THSD7B: variants seen among roughly 807,000 people sequenced by gnomAD.
THSD7B encodes thrombospondin type 1 domain containing 7B.
Under a neutral mutation model 213.6 loss-of-function variants are expected in THSD7B, and 138 were observed. The ratio of observed to expected loss-of-function variants is 0.65; its 90% CI spans 0.56 to 0.74. The LOEUF is 0.74. Ranked by LOEUF, THSD7B falls within the 30% of genes least tolerant of loss-of-function variation. The probability of loss-of-function intolerance (pLI) is 0.00; values close to 1 mark genes in which losing one functional copy is unlikely to be tolerated. For missense variants in THSD7B, 1,931 were observed against 1,991.5 expected, an observed-to-expected ratio of 0.97 and a Z score of 0.58; for synonymous variants, 742 against 687.0, an observed-to-expected ratio of 1.08 and a Z score of -1.25.
chr2:137,203,507 C>T (rs79194862), intron 7 of THSD7B, among the ~76,000 whole-genome samples: 8,411 of 152,020 alleles, frequency 0.055, 342 homozygotes, highest in Non-Finnish European at 0.091. Flanking sequence ...TGAAATAGAT[C>T]TTGACCATGC....
At chr2:137,502,612 A>G (rs1679736756) in intron 15 of THSD7B, among the ~76,000 whole-genome samples, 1 of 152,142 alleles carries the variant, frequency 6.6e-6, no homozygotes, top group South Asian at 2.1e-4. Flanking sequence ...AAATCAACTA[A>G]CTTTGGGAAG....
intron 15 of THSD7B, among the ~76,000 whole-genome samples, chr2:137,562,674 A>C (rs1371677014): frequency 6.8e-6 from 1 of 147,840 alleles, no homozygotes; most frequent in Non-Finnish European, 1.5e-5. Context: ...CATATAGCTA[A>C]ATTTATATGA....
intron 2 of THSD7B, among the ~76,000 whole-genome samples, chr2:136,921,608 G>A (rs1684440104): frequency 6.6e-6 from 1 of 152,176 alleles, no homozygotes; most frequent in African/African-American, 2.4e-5. Flanking sequence ...CTGCCTTAAG[G>A]ATGAATGGCA....
At chr2:137,222,163 ATTATT>A (rs1314907811) in intron 7 of THSD7B, among the ~76,000 whole-genome samples, 1 of 152,226 alleles carries the variant, frequency 6.6e-6, no homozygotes, top group African/African-American at 2.4e-5. Flanking sequence ...TTTTCTAAAT[ATTATT>A]TTCTATTACC....
At chr2:137,559,189 T>C (rs1461788866) in intron 15 of THSD7B, among the ~76,000 whole-genome samples, 1 of 152,152 alleles carries the variant, frequency 6.6e-6, no homozygotes, top group African/African-American at 2.4e-5. Context: ...ACCAATGACT[T>C]TCTTCACAGA....
At chr2:136,913,721 G>A (rs563391803) in intron 2 of THSD7B, among the ~76,000 whole-genome samples, 7 of 152,386 alleles carry the variant, frequency 4.6e-5, no homozygotes, top group African/African-American at 1.7e-4. Context: ...TATCAAGCCT[G>A]TGGGTACTCA....
intron 2 of THSD7B, among the ~76,000 whole-genome samples, chr2:136,948,489 C>T (rs1194974974): frequency 1.3e-5 from 2 of 151,910 alleles, no homozygotes; most frequent in African/African-American, 4.8e-5. Context: ...TGCACACATA[C>T]ACACACCCCT....
At chr2:137,262,442 G>A (rs1682472986) in intron 10 of THSD7B, among the ~76,000 whole-genome samples, 1 of 151,328 alleles carries the variant, frequency 6.6e-6, no homozygotes, top group African/African-American at 2.4e-5. Context: ...AATGAAAGGG[G>A]TCAGGATTTG....
chr2:137,021,895 T>C (rs1686451893), intron 2 of THSD7B, among the ~76,000 whole-genome samples: 1 of 152,184 alleles, frequency 6.6e-6, no homozygotes, highest in Non-Finnish European at 1.5e-5. Flanking sequence ...TTGGTACTGA[T>C]CTGGGTTGTA....
chr2:136,884,941 T>G (rs1400857639), intron 2 of THSD7B, among the ~76,000 whole-genome samples: 1 of 152,188 alleles, frequency 6.6e-6, no homozygotes, highest in Non-Finnish European at 1.5e-5. Flanking sequence ...AGGAGTTATA[T>G]CCCTAGAAAA....
rs576227384 is a variant in THSD7B, at chr2:137,440,540, G to A, written c.2960-10305G>A. On this transcript the variant is annotated intron_variant, in intron 14 of 27. Coordinates refer to ENST00000409968, the MANE Select transcript of THSD7B (RefSeq NM_001316349.2). ...TAAAGAAGTCCTTAGTTTAGGGACTGTAGAATACTGTGATGGCAGATTTCA... is the reference window on the plus strand; with the variant it reads ...TAAAGAAGTCCTTAGTTTAGGGACTATAGAATACTGTGATGGCAGATTTCA... Among the ~76,000 whole-genome samples, 3 of 151,880 alleles carry A rather than the reference G, an allele frequency of 2.0e-5. No individual in the cohort carries two copies. The South Asian group carries it at 6.2e-4, about 32-fold the overall frequency.
chr2:136,926,597 G>T (rs534652935), intron 2 of THSD7B, among the ~76,000 whole-genome samples: 1 of 152,150 alleles, frequency 6.6e-6, no homozygotes, highest in African/African-American at 2.4e-5. Flanking sequence ...AGGAGGCTAA[G>T]GTGGGAGGAT....
At chr2:137,176,936 T>C (rs1400638816) in intron 7 of THSD7B, among the ~76,000 whole-genome samples, 2 of 150,688 alleles carry the variant, frequency 1.3e-5, no homozygotes, top group African/African-American at 4.9e-5. Flanking sequence ...GGAATCTTTG[T>C]CACAGAGTTT....
At chr2:137,373,836 A>C (rs1250204493) in intron 12 of THSD7B, among the ~76,000 whole-genome samples, 1 of 152,202 alleles carries the variant, frequency 6.6e-6, no homozygotes, top group Non-Finnish European at 1.5e-5. Flanking sequence ...TTTTAGGTCT[A>C]ACAGGTAAGT....
At chr2:136,830,842 C>T (rs2104946980) in intron 1 of THSD7B, among the ~76,000 whole-genome samples, 1 of 152,296 alleles carries the variant, frequency 6.6e-6, no homozygotes, top group African/African-American at 2.4e-5. Flanking sequence ...TATTATTTTA[C>T]TCCACCTTGA....
At chr2:137,185,015 C>G (rs1395200944) in intron 7 of THSD7B, among the ~76,000 whole-genome samples, 1 of 152,042 alleles carries the variant, frequency 6.6e-6, no homozygotes, top group Non-Finnish European at 1.5e-5. Flanking sequence ...CCCTCATTCT[C>G]TCAGGTATCA....
intron 17 of THSD7B, among the ~76,000 whole-genome samples, chr2:137,573,558 T>A (rs1425207718): frequency 6.6e-6 from 1 of 152,100 alleles, no homozygotes; most frequent in Non-Finnish European, 1.5e-5. Context: ...GAGAAACTGA[T>A]AAGAATAACT....
chr2:137,242,554 C>A lies in THSD7B; in HGVS notation c.2248C>A (p.Pro750Thr). ...TGCTTTCAGTGAGTGGACACCCTGC[C>A]CAAGGATGTGCCAAGCAGGTAGGTG... The part of the protein sequence containing the change: ...VTAFSEWTPC[P>T]RMCQAGNATV... The change falls in exon 10 of 28, where the codon CCA (proline) becomes ACA (threonine). Residue 750 changes from proline (P) to threonine (T), a missense_variant. Coordinates refer to ENST00000409968, the MANE Select transcript of THSD7B (RefSeq NM_001316349.2). 5 of 1,613,470 alleles carry A rather than the reference C, an allele frequency of 3.1e-6. No homozygotes were observed. Among genetic ancestry groups the A allele is most frequent in the Non-Finnish European group, 3.4e-6 (4 of 1,179,520 alleles).
chr2:137,024,232 G>A (rs1573773196), intron 2 of THSD7B, among the ~76,000 whole-genome samples: 2 of 152,132 alleles, frequency 1.3e-5, no homozygotes, highest in South Asian at 2.1e-4. Flanking sequence ...AGGAGAATGG[G>A]GGAGACTAAA....
Sources: allele counts gnomAD v4.1 joint callset (sites outside exome capture counted in the v4.1 genomes callset), GRCh38; gene constraint gnomAD v4.1.1; transcripts MANE v1.5; gene names NCBI Gene and HGNC (gene_info 2026-07-23, HGNC 2026-07-21).